CFAP61: variants seen among roughly 807,000 people sequenced by gnomAD.
CFAP61 encodes cilia and flagella associated protein 61.
A neutral mutation model predicts 135.6 loss-of-function variants in CFAP61; 107 were observed. That is an observed-to-expected ratio of 0.79 (90% CI 0.67 to 0.93). The LOEUF is 0.93. CFAP61 is among the 40% of genes least tolerant of loss of function. The pLI, the probability that CFAP61 is intolerant of heterozygous loss-of-function variation, is 0.00. For missense variants in CFAP61, 1,507 were observed against 1,556.2 expected, an observed-to-expected ratio of 0.97 and a Z score of 0.53; for synonymous variants, 575 against 578.5, an observed-to-expected ratio of 0.99 and a Z score of 0.09.
At chr20:20,084,974 A>G (rs2046692893) in intron 6 of CFAP61, 1 of 331,862 alleles carries the variant, frequency 3.0e-6, no homozygotes, top group Non-Finnish European at 4.3e-6. Flanking sequence ...GGAAGTTAAA[A>G]TAAAATATTG....
chr20:20,350,444 C>A lies in CFAP61; in HGVS notation c.3513+8523C>A, dbSNP rs6112873. Among the ~76,000 whole-genome samples the A allele has an allele frequency of 1.6e-3, 247 of 152,320 alleles. 2 individuals are homozygous for A. The highest frequency in any genetic ancestry group is 5.8e-3 in the African/African-American group (241 of 41,570). ...AGGAGTTCAAGACCAGCCTGGCCAA[C>A]GTGGTGAAACCACATCTCTACTAAA... is the stretch of plus-strand genomic sequence containing the variant. On this transcript the variant is annotated intron_variant, in intron 26 of 26. Coordinates refer to ENST00000245957, the MANE Select transcript of CFAP61 (RefSeq NM_015585.4).
intron 8 of CFAP61, among the ~76,000 whole-genome samples, chr20:20,130,474 G>A (rs1307983631): frequency 3.3e-5 from 5 of 151,772 alleles, no homozygotes; most frequent in African/African-American, 1.2e-4. Flanking sequence ...TGCATTGAAG[G>A]ACAGTTCAAT....
chr20:20,311,425 G>T (rs2056820241), intron 25 of CFAP61, among the ~76,000 whole-genome samples: 1 of 152,212 alleles, frequency 6.6e-6, no homozygotes, highest in African/African-American at 2.4e-5. Flanking sequence ...TTAGACATCA[G>T]GCAATGAAGG....
chr20:20,240,871 C>A (rs2049972997), intron 18 of CFAP61, among the ~76,000 whole-genome samples: 1 of 152,200 alleles, frequency 6.6e-6, no homozygotes. Flanking sequence ...CTGCCCATTT[C>A]TCCTTCCTCT....
intron 25 of CFAP61, chr20:20,322,574 T>G: frequency 2.1e-6 from 1 of 471,952 alleles, no homozygotes. Context: ...AGTAAGCCAG[T>G]GTAAAGGAGG....
intron 25 of CFAP61, among the ~76,000 whole-genome samples, chr20:20,329,270 C>T (rs2057889139): frequency 6.6e-6 from 1 of 152,118 alleles, no homozygotes; most frequent in Non-Finnish European, 1.5e-5. Flanking sequence ...TCAGTCTGGC[C>T]AACTGGACAT....
chr20:20,135,791 T>C (rs964435950), intron 8 of CFAP61, among the ~76,000 whole-genome samples: 1 of 152,230 alleles, frequency 6.6e-6, no homozygotes, highest in African/African-American at 2.4e-5. Flanking sequence ...TACAGTGTTA[T>C]AATAGTCTGT....
intron 25 of CFAP61, among the ~76,000 whole-genome samples, chr20:20,315,598 A>C (rs1223831926): frequency 6.6e-6 from 1 of 151,428 alleles, no homozygotes; most frequent in Non-Finnish European, 1.5e-5. Flanking sequence ...TGTTTTAGAC[A>C]TGAAGTCCTT....
At chr20:20,311,817 A>G (rs748818811) in intron 25 of CFAP61, among the ~76,000 whole-genome samples, 2 of 152,172 alleles carry the variant, frequency 1.3e-5, no homozygotes, top group Non-Finnish European at 2.9e-5. Context: ...AAGGATTAGA[A>G]AAAGCATGAC....
chr20:20,096,014 A>G (rs559958613), intron 7 of CFAP61, among the ~76,000 whole-genome samples: 121 of 152,342 alleles, frequency 7.9e-4, no homozygotes, highest in African/African-American at 2.9e-3. Flanking sequence ...ACAAGCAAGA[A>G]CAACAAAACC....
intron 21 of CFAP61, among the ~76,000 whole-genome samples, chr20:20,274,883 C>T (rs1428287094): frequency 6.6e-6 from 1 of 152,098 alleles, no homozygotes; most frequent in Non-Finnish European, 1.5e-5. Flanking sequence ...TCTTAGAAAG[C>T]CTGTTTAAAT....
chr20:20,180,707 C>T (rs1211500951), intron 13 of CFAP61, among the ~76,000 whole-genome samples: 2 of 152,160 alleles, frequency 1.3e-5, no homozygotes, highest in Non-Finnish European at 2.9e-5. Flanking sequence ...CATACACACA[C>T]ATGTTCATTG....
At chr20:20,171,814 C>T (rs769951618) in intron 13 of CFAP61, 77 of 709,012 alleles carry the variant, frequency 1.1e-4, no homozygotes, top group Admixed American at 4.1e-4. Flanking sequence ...CATAGCATCA[C>T]CAGAGTGTCA....
intron 17 of CFAP61, among the ~76,000 whole-genome samples, chr20:20,216,328 G>A (rs1268599156): frequency 1.3e-5 from 2 of 152,220 alleles, no homozygotes; most frequent in Admixed American, 6.5e-5. Flanking sequence ...AGTGGTGAAC[G>A]GGTGTTAATT....
chr20:20,326,436 A>G (rs961741559), intron 25 of CFAP61, among the ~76,000 whole-genome samples: 4 of 152,186 alleles, frequency 2.6e-5, no homozygotes, highest in Non-Finnish European at 5.9e-5. Flanking sequence ...ATTGTAAAAT[A>G]TGCTCCTATT....
At chr20:20,236,483 A>G (rs1392928521) in intron 18 of CFAP61, among the ~76,000 whole-genome samples, 3 of 152,186 alleles carry the variant, frequency 2.0e-5, no homozygotes, top group African/African-American at 7.2e-5. Flanking sequence ...AGTGAATCAT[A>G]TAACTTCTAA....
chr20:20,241,046 A>G (rs2049985875), intron 18 of CFAP61, among the ~76,000 whole-genome samples: 1 of 152,224 alleles, frequency 6.6e-6, no homozygotes, highest in Non-Finnish European at 1.5e-5. Context: ...GGTGATGTCC[A>G]GGTGTCTTAA....
chr20:20,250,812 G>C (rs1027496123), intron 19 of CFAP61, among the ~76,000 whole-genome samples: 1 of 152,086 alleles, frequency 6.6e-6, no homozygotes, highest in Non-Finnish European at 1.5e-5. Context: ...TAAACCCAAA[G>C]CCACAAGAAA....
intron 6 of CFAP61, among the ~76,000 whole-genome samples, chr20:20,087,021 A>G (rs576577874): frequency 6.6e-6 from 1 of 152,338 alleles, no homozygotes; most frequent in Admixed American, 6.5e-5. Context: ...TCTAGAGACA[A>G]TAAGTAAATC....
Sources: allele counts gnomAD v4.1 joint callset (sites outside exome capture counted in the v4.1 genomes callset), GRCh38; gene constraint gnomAD v4.1.1; transcripts MANE v1.5; gene names NCBI Gene and HGNC (gene_info 2026-07-23, HGNC 2026-07-21).